Variants in TMEM38A observed in about 807,000 individuals in gnomAD.
TMEM38A encodes the protein transmembrane protein 38A, also known as trimeric intracellular cation channel type A.
TMEM38A carries 17 observed loss-of-function variants against 28.6 expected under a neutral mutation model. The observed-to-expected ratio is 0.60, with a 90% CI of 0.41 to 0.89. The LOEUF is 0.89. TMEM38A is among the 40% of genes least tolerant of loss of function. The probability of loss-of-function intolerance (pLI) is 0.00; values close to 1 mark genes in which losing one functional copy is unlikely to be tolerated. For synonymous variants in TMEM38A, 169 were observed against 166.1 expected (o/e 1.02, Z -0.14); for missense variants, 328 against 393.1 (o/e 0.83, Z 1.40).
chr19:16,671,336 G>A (rs1321854357), intron 1 of TMEM38A, among the ~76,000 whole-genome samples: 1 of 151,450 alleles, frequency 6.6e-6, no homozygotes, highest in African/African-American at 2.4e-5. Context: ...CTGAGTAGCT[G>A]GGATTATAGC....
At chr19:16,683,502 A>G (rs1188801397) in intron 4 of TMEM38A, among the ~76,000 whole-genome samples, 1 of 150,134 alleles carries the variant, frequency 6.7e-6, no homozygotes, top group African/African-American at 2.5e-5. Flanking sequence ...CTGAGGCAAG[A>G]GGATTACTTG....
chr19:16,676,217 G>A (rs117572256), intron 1 of TMEM38A, among the ~76,000 whole-genome samples: 3,186 of 135,438 alleles, frequency 0.024, 75 homozygotes, highest in Non-Finnish European at 0.035. Flanking sequence ...AAAATTGGGC[G>A]TGCTGGCGGG....
intron 1 of TMEM38A, among the ~76,000 whole-genome samples, chr19:16,679,587 C>T (rs1382992460): frequency 6.6e-6 from 1 of 152,008 alleles, no homozygotes; most frequent in East Asian, 1.9e-4. Flanking sequence ...GCCACCATGC[C>T]CGGCCCAGAG....
intron 4 of TMEM38A, among the ~76,000 whole-genome samples, chr19:16,685,089 G>A (rs75034098): frequency 2.8e-5 from 3 of 106,416 alleles, no homozygotes; most frequent in South Asian, 2.7e-4. Context: ...TAAATAAAAC[G>A]AAATCAGCAG....
At chr19:16,672,020 G>T (rs1163159548) in intron 1 of TMEM38A, among the ~76,000 whole-genome samples, 2 of 152,150 alleles carry the variant, frequency 1.3e-5, no homozygotes, top group East Asian at 3.9e-4. Context: ...GTTTTAAATA[G>T]ACCCTAGGAG....
intron 1 of TMEM38A, among the ~76,000 whole-genome samples, chr19:16,664,699 C>T (rs1421209832): frequency 3.3e-5 from 5 of 152,020 alleles, no homozygotes; most frequent in Admixed American, 1.3e-4. Context: ...AGCTCAACTG[C>T]GCCTGGCTGG....
rs964609830 is a variant in TMEM38A, at chr19:16,689,624, C to T, written c.*1253C>T. ...GGACCTGGATGTATCAGGTCTCCCT[C>T]AGGCTGGAGTCCACTGTCACTCATT... On this transcript the variant is annotated 3_prime_UTR_variant, in exon 6 of 6. Transcript: ENST00000187762. The T allele has an allele frequency of 6.6e-6, 1 of 152,274 alleles. No homozygotes were observed. Among genetic ancestry groups the T allele is most frequent in the Non-Finnish European group, 1.5e-5 (1 of 68,094 alleles). The allele number at this position is 152,274 out of a possible 1,614,324, so 9.4% of individuals were successfully genotyped here.
rs2086724729 is a variant in TMEM38A, at chr19:16,670,950, A to G, written c.125-9034A>G. On this transcript the variant is annotated intron_variant, in intron 1 of 5. Transcript: ENST00000187762. The stretch of plus-strand genomic sequence containing the variant: ...CAAGACCCCATCTCAAAAAAAGAAT[A>G]AAAGAAAGTCCCATGTCCCAGGAAA... Among the ~76,000 whole-genome samples the G allele has an allele frequency of 3.3e-5, 5 of 152,098 alleles. No homozygotes were observed. The South Asian group carries it at 8.3e-4, about 25-fold the overall frequency.
chr19:16,669,058 G>A (rs997688013), intron 1 of TMEM38A, among the ~76,000 whole-genome samples: 4 of 151,760 alleles, frequency 2.6e-5, no homozygotes, highest in Admixed American at 2.0e-4. Flanking sequence ...TCGAACTCCC[G>A]ACCTCAGGTG....
Position 16,672,283 on chromosome 19 carries a change from G to A in TMEM38A, c.125-7701G>A, listed in dbSNP as rs544944956. 1.3e-4 allele frequency among the ~76,000 whole-genome samples: 20 copies of A among 152,160 alleles called. No individual in the cohort carries two copies. The East Asian group carries it at 2.7e-3, about 21-fold the overall frequency. On this transcript the variant is annotated intron_variant, in intron 1 of 5. Transcript: ENST00000187762. ...CACATTGTTAGTTGGTGGGGATAGC[G>A]AGGAGAGGGGCAAGTGTATTGATTA...
At chr19:16,663,051 C>T (rs796072692) in intron 1 of TMEM38A, among the ~76,000 whole-genome samples, 6 of 151,854 alleles carry the variant, frequency 4.0e-5, no homozygotes, top group African/African-American at 1.2e-4. Context: ...GAGGCCAAGA[C>T]GGGCAGATCG....
chr19:16,667,665 G>A (rs2086709114), intron 1 of TMEM38A, among the ~76,000 whole-genome samples: 3 of 150,968 alleles, frequency 2.0e-5, no homozygotes, highest in Non-Finnish European at 1.5e-5. Context: ...GACCAGCCCG[G>A]CCAACATGGT....
At chr19:16,685,872 T>C (rs2086799586) in intron 4 of TMEM38A, among the ~76,000 whole-genome samples, 1 of 152,070 alleles carries the variant, frequency 6.6e-6, no homozygotes, top group Non-Finnish European at 1.5e-5. Flanking sequence ...CACCTTACAA[T>C]CAGGAGAAGC....
chr19:16,666,288 T>G lies in TMEM38A; in HGVS notation c.124+4947T>G, dbSNP rs193185125. ...GCCATTGCGCCTGGCCCATTTTTTT[T>G]GTATTTTTAGTAGAGATGAGTTTTC... is the stretch of plus-strand genomic sequence containing the variant. On this transcript the variant is annotated intron_variant, in intron 1 of 5. Coordinates refer to ENST00000187762, the MANE Select transcript of TMEM38A (RefSeq NM_024074.4). Among the ~76,000 whole-genome samples, 490 of 152,080 alleles carry G rather than the reference T, an allele frequency of 3.2e-3. 2 individuals are homozygous for G. Among genetic ancestry groups the G allele is most frequent in the Non-Finnish European group, 5.5e-3 (377 of 67,978 alleles).
At chr19:16,685,893 C>T (rs191744134) in intron 4 of TMEM38A, among the ~76,000 whole-genome samples, 1 of 152,272 alleles carries the variant, frequency 6.6e-6, no homozygotes, top group Admixed American at 6.5e-5. Context: ...TGTGGCTGGG[C>T]GCAGTGGCTC....
Position 16,688,606 on chromosome 19 carries a change from G to A in TMEM38A, c.*235G>A. The A allele has an allele frequency of 2.7e-6, 1 of 372,066 alleles. No individual in the cohort carries two copies. The highest frequency in any genetic ancestry group is 4.8e-6 in the Non-Finnish European group (1 of 209,176). The allele number at this position is 372,066 out of a possible 1,614,324, so 23.0% of individuals were successfully genotyped here. On this transcript the variant is annotated 3_prime_UTR_variant, in exon 6 of 6. Coordinates refer to ENST00000187762, the MANE Select transcript of TMEM38A (RefSeq NM_024074.4). ...TCTGCCAGGACCCCATAGAGTCACA[G>A]CTTTTGGAGGGGTTCACAGAATCCT...
intron 1 of TMEM38A, among the ~76,000 whole-genome samples, chr19:16,663,397 T>A (rs2086690508): frequency 6.6e-6 from 1 of 152,204 alleles, no homozygotes; most frequent in African/African-American, 2.4e-5. Flanking sequence ...AGGTTCAAGA[T>A]ATTTCTGCAG....
chr19:16,688,195 G>T lies in TMEM38A; in HGVS notation c.724G>T (p.Gly242Cys). 1 of 1,515,396 alleles carries T rather than the reference G, an allele frequency of 6.6e-7. No homozygotes were observed. The highest frequency in any genetic ancestry group is 8.9e-7 in the Non-Finnish European group (1 of 1,125,830). The allele number at this position is 1,515,396 out of a possible 1,614,324, so 93.9% of individuals were successfully genotyped here. The change falls in exon 6 of 6, where the codon GGC becomes TGC. Residue 242 changes from glycine (G) to cysteine (C), a missense_variant. By Grantham distance (159) the Gly-to-Cys change is radical. Transcript: ENST00000187762. The stretch of plus-strand genomic sequence containing the variant: ...CAGCTCCCCCTTTGATGCCCTGGAG[G>T]GCTACATCTGCCCCGTGCTGTTTGG... ...SHSSPFDALE[G>C]YICPVLFGSA... is the part of the protein sequence containing the mutation.
intron 1 of TMEM38A, among the ~76,000 whole-genome samples, chr19:16,664,784 C>G (rs1453370621): frequency 6.6e-6 from 1 of 151,628 alleles, no homozygotes; most frequent in Non-Finnish European, 1.5e-5. Context: ...ATCAATGTTG[C>G]CTGGGAGCTG....
Sources: gnomAD v4.1 joint callset for allele counts (sites outside exome capture counted in the v4.1 genomes callset) on GRCh38, gnomAD v4.1.1 for gene constraint, MANE v1.5 for transcripts, NCBI Gene and HGNC (gene_info 2026-07-23, HGNC 2026-07-21) for gene names.